MALRD1: variants seen among roughly 807,000 people sequenced by gnomAD.
The protein encoded by MALRD1 is MAM and LDL receptor class A domain containing 1, also known as MAM and LDL-receptor class A domain-containing protein 1.
In MALRD1, 247 loss-of-function variants were observed where a neutral mutation model predicts 242.1. The ratio of observed to expected loss-of-function variants is 1.02; its 90% CI spans 0.92 to 1.13. The LOEUF is 1.13. MALRD1 is among the 50% of genes most tolerant of loss of function. The probability of loss-of-function intolerance (pLI) is 0.00; values close to 1 mark genes in which losing one functional copy is unlikely to be tolerated. For missense variants in MALRD1, 2,989 were observed against 2,533.1 expected (o/e 1.18, Z -3.86); for synonymous variants, 995 against 866.6 (o/e 1.15, Z -2.60).
chr10:19,555,424 G>C (rs935433963), intron 32 of MALRD1, among the ~76,000 whole-genome samples: 2 of 152,112 alleles, frequency 1.3e-5, no homozygotes, highest in African/African-American at 4.8e-5. Flanking sequence ...CATTAAGAAT[G>C]TAACTTTGAG....
intron 20 of MALRD1, among the ~76,000 whole-genome samples, chr10:19,282,303 A>G (rs1840856296): frequency 6.6e-6 from 1 of 152,176 alleles, no homozygotes; most frequent in Non-Finnish European, 1.5e-5. Context: ...ATTAACTCAT[A>G]TACCCAAATT....
chr10:19,262,656 A>C (rs1839801913), intron 19 of MALRD1, among the ~76,000 whole-genome samples: 2 of 63,198 alleles, frequency 3.2e-5, no homozygotes, highest in African/African-American at 1.2e-4. Flanking sequence ...AGTCTGTCTC[A>C]AAAAAAAAAA....
intron 36 of MALRD1, among the ~76,000 whole-genome samples, chr10:19,690,380 A>G (rs1440235921): frequency 1.3e-5 from 2 of 152,092 alleles, no homozygotes; most frequent in Non-Finnish European, 2.9e-5. Context: ...ATCGGAAGGA[A>G]GATCCCTATG....
chr10:19,312,402 G>A (rs11009408), intron 21 of MALRD1, among the ~76,000 whole-genome samples: 18,595 of 109,384 alleles, frequency 0.17, 1,123 homozygotes, highest in Non-Finnish European at 0.18. Flanking sequence ...ATATATATAT[G>A]TGTATATGTG....
At chr10:19,692,120 T>C (rs926860746) in intron 36 of MALRD1, among the ~76,000 whole-genome samples, 162 bp from the exon 37 acceptor site, 2 of 152,188 alleles carry the variant, frequency 1.3e-5, no homozygotes, top group Admixed American at 1.3e-4. Context: ...AATTTAATTT[T>C]GGTTTTGCTT....
At chr10:19,519,485 G>T (rs1833783983) in intron 31 of MALRD1, among the ~76,000 whole-genome samples, 1 of 152,044 alleles carries the variant, frequency 6.6e-6, no homozygotes, top group East Asian at 1.9e-4. Flanking sequence ...TTCTAGACTG[G>T]GCACAGAGGC....
At chr10:19,095,187 A>G (rs922049862) in intron 4 of MALRD1, among the ~76,000 whole-genome samples, 1 of 152,212 alleles carries the variant, frequency 6.6e-6, no homozygotes, top group Non-Finnish European at 1.5e-5. Flanking sequence ...TGAGTGCCTA[A>G]GAGGAAAAGA....
chr10:19,136,116 T>G (rs1833325813), intron 9 of MALRD1, among the ~76,000 whole-genome samples: 1 of 152,214 alleles, frequency 6.6e-6, no homozygotes, highest in Non-Finnish European at 1.5e-5. Context: ...AATACTAATT[T>G]CACTAGTTAA....
rs552143266 is a variant in MALRD1 at position 19,453,028 on chromosome 10, C to T, written c.5029+2538C>T. Among the ~76,000 whole-genome samples, 3 of 152,214 alleles carry T rather than the reference C, an allele frequency of 2.0e-5. No individual in the cohort carries two copies. In the South Asian group the frequency reaches 6.2e-4, roughly 32 times the overall value. ...GTTAAAATATGTGAAGTTCTTTGAA[C>T]AGTCTTGGCACATAGAAAAATTAAT... On this transcript the variant is annotated intron_variant, in intron 29 of 39. Transcript: ENST00000454679.
intron 5 of MALRD1, among the ~76,000 whole-genome samples, chr10:19,117,863 C>G (rs1308338314): frequency 6.6e-6 from 1 of 152,098 alleles, no homozygotes; most frequent in African/African-American, 2.4e-5. Context: ...TGTTCTTAGG[C>G]CATTTATTCA....
At chr10:19,572,241 A>G (rs1355390949) in intron 33 of MALRD1, among the ~76,000 whole-genome samples, 3 of 152,222 alleles carry the variant, frequency 2.0e-5, no homozygotes, top group Non-Finnish European at 4.4e-5. Flanking sequence ...AGTCAGCAGA[A>G]GAGTGTGTTT....
chr10:19,733,339 A>G (rs1835369645), intron 39 of MALRD1, among the ~76,000 whole-genome samples: 1 of 152,276 alleles, frequency 6.6e-6, no homozygotes, highest in Non-Finnish European at 1.5e-5. Context: ...TTTTCAAACA[A>G]ATTTCAAATA....
At chr10:19,275,989 A>G (rs1033426320) in intron 19 of MALRD1, among the ~76,000 whole-genome samples, 4 of 152,204 alleles carry the variant, frequency 2.6e-5, no homozygotes, top group Non-Finnish European at 4.4e-5. Context: ...AAATTTACCC[A>G]TTCTCTCTTG....
rs1380071402 is a variant in MALRD1 at position 19,238,392 on chromosome 10, ATGT to A, written c.2992-19290_2992-19288del. 3.6e-3 allele frequency among the ~76,000 whole-genome samples: 261 copies of A among 72,106 alleles called. 25 individuals carry two copies. Among genetic ancestry groups the A allele is most frequent in the African/African-American group, 0.013 (249 of 18,666 alleles). 47.3% of individuals were successfully genotyped at this position (72,106 alleles called of 152,430 possible). ...ATATATTATACATAATATATTATAT[ATGT>A]TATATATTATGTATAATATATAATA... On this transcript the variant is annotated intron_variant, in intron 18 of 39. Coordinates refer to ENST00000454679, the MANE Select transcript of MALRD1 (RefSeq NM_001142308.3).
intron 33 of MALRD1, among the ~76,000 whole-genome samples, chr10:19,587,350 C>T (rs1341062698): frequency 6.6e-6 from 1 of 152,228 alleles, no homozygotes; most frequent in African/African-American, 2.4e-5. Context: ...AGCATTTTTA[C>T]TGTCTATATC....
intron 14 of MALRD1, among the ~76,000 whole-genome samples, chr10:19,179,143 G>C (rs946290398): frequency 6.6e-6 from 1 of 152,170 alleles, no homozygotes; most frequent in African/African-American, 2.4e-5. Flanking sequence ...AGTAACACAT[G>C]ACATCACTTA....
intron 36 of MALRD1, among the ~76,000 whole-genome samples, chr10:19,667,950 G>T (rs1001131384): frequency 6.6e-6 from 1 of 152,068 alleles, no homozygotes; most frequent in African/African-American, 2.4e-5. Context: ...GCAATCTCTG[G>T]TTCATAGATG....
intron 14 of MALRD1, among the ~76,000 whole-genome samples, chr10:19,190,262 TACAATA>T (rs1439899931): frequency 6.6e-6 from 1 of 151,988 alleles, no homozygotes; most frequent in Non-Finnish European, 1.5e-5. Context: ...GAAAGACTTG[TACAATA>T]AAAAATAAAA....
chr10:19,203,877 C>G lies in MALRD1; in HGVS notation c.2101C>G (p.Gln701Glu), dbSNP rs1335226627. The change falls in exon 15 of 40, where the codon CAA becomes GAA. Residue 701 changes from glutamine to glutamate, a missense_variant. Transcript: ENST00000454679. ...PPRDHSLNAS[Q>E]GHFMFILKKS... ...TCGGGATCATAGTCTCAACGCATCT[C>G]AAGGTAAGAAGCAAACAGGGACTCT... is the stretch of plus-strand genomic sequence containing the variant. 1 of 1,550,434 alleles carries G rather than the reference C, an allele frequency of 6.4e-7. No individual in the cohort carries two copies. The highest frequency in any genetic ancestry group is 8.7e-7 in the Non-Finnish European group (1 of 1,146,902).
Sources: gnomAD v4.1 joint callset for allele counts (sites outside exome capture counted in the v4.1 genomes callset) on GRCh38, gnomAD v4.1.1 for gene constraint, MANE v1.5 for transcripts, NCBI Gene and HGNC (gene_info 2026-07-23, HGNC 2026-07-21) for gene names.